Variants in ATP2C1 observed in about 807,000 individuals in gnomAD.
ATP2C1 encodes the protein ATPase secretory pathway Ca2+ transporting 1, also known as calcium-transporting ATPase type 2C member 1.
In ATP2C1, 31 loss-of-function variants were observed where a neutral mutation model predicts 120.5. That is an observed-to-expected ratio of 0.26 (90% CI 0.19 to 0.35). ATP2C1 has a LOEUF of 0.35. Ranked by LOEUF, ATP2C1 falls within the 10% of genes least tolerant of loss-of-function variation. ATP2C1 has a pLI of 1.00. For missense variants in ATP2C1, 731 were observed against 1,107.5 expected (o/e 0.66, Z 4.83); for synonymous variants, 351 against 358.7 (o/e 0.98, Z 0.24).
intron 5 of ATP2C1, 114 bp downstream of exon 5, chr3:130,934,825 T>G: frequency 1.3e-6 from 1 of 743,720 alleles, no homozygotes; most frequent in Non-Finnish European, 2.3e-6. Context: ...AGTGTCCAAA[T>G]TCTGCTTTTA....
chr3:130,974,870 T>C (rs1175712710), intron 17 of ATP2C1, among the ~76,000 whole-genome samples: 1 of 152,210 alleles, frequency 6.6e-6, no homozygotes, highest in African/African-American at 2.4e-5. Context: ...TATTTCATTA[T>C]AAGCTTTTGA....
intron 11 of ATP2C1, among the ~76,000 whole-genome samples, chr3:130,957,505 C>T (rs1000174473): frequency 4.6e-5 from 7 of 151,888 alleles, no homozygotes; most frequent in African/African-American, 1.7e-4. Flanking sequence ...ATTTTCTTAC[C>T]GTGTTAATTA....
At chr3:130,982,428 G>A (rs1220839014) in intron 20 of ATP2C1, among the ~76,000 whole-genome samples, 2 of 152,198 alleles carry the variant, frequency 1.3e-5, no homozygotes, top group African/African-American at 4.8e-5. Context: ...ATCTTGGGCT[G>A]CCTTGTAAGG....
intron 17 of ATP2C1, among the ~76,000 whole-genome samples, chr3:130,972,546 A>G (rs913721057): frequency 6.6e-6 from 1 of 150,574 alleles, no homozygotes; most frequent in African/African-American, 2.5e-5. Flanking sequence ...ATATGTATAC[A>G]TGTGCCATGC....
intron 22 of ATP2C1, among the ~76,000 whole-genome samples, chr3:130,995,785 C>A (rs943870383): frequency 6.6e-6 from 1 of 152,070 alleles, no homozygotes; most frequent in Non-Finnish European, 1.5e-5. Context: ...GGATTACAGG[C>A]ATGCGCCACC....
chr3:130,902,001 C>T (rs977692199), intron 2 of ATP2C1, among the ~76,000 whole-genome samples: 7 of 152,036 alleles, frequency 4.6e-5, no homozygotes, highest in African/African-American at 1.7e-4. Flanking sequence ...CTACCTCCCC[C>T]CGCCACCCTC....
At chr3:130,900,786 C>G (rs1003858299) in intron 2 of ATP2C1, among the ~76,000 whole-genome samples, 2 of 152,182 alleles carry the variant, frequency 1.3e-5, no homozygotes, top group African/African-American at 4.8e-5. Context: ...TGGATTTCCT[C>G]TCATCTTAAA....
At chr3:130,901,866 C>T (rs75217249) in intron 2 of ATP2C1, among the ~76,000 whole-genome samples, 4,008 of 151,986 alleles carry the variant, frequency 0.026, 186 homozygotes, top group African/African-American at 0.091. Flanking sequence ...GTTTTGCCCC[C>T]GGGGGACATT....
chr3:130,962,619 A>G (rs1462382124), intron 12 of ATP2C1, among the ~76,000 whole-genome samples: 1 of 151,312 alleles, frequency 6.6e-6, no homozygotes, highest in Non-Finnish European at 1.5e-5. Context: ...ATTCCTCTGC[A>G]AAGTTTTGCT....
intron 17 of ATP2C1, among the ~76,000 whole-genome samples, chr3:130,973,109 A>G (rs1480055318): frequency 6.6e-6 from 1 of 152,202 alleles, no homozygotes; most frequent in Non-Finnish European, 1.5e-5. Context: ...TAATTACCCC[A>G]TAGTGGTAAT....
intron 2 of ATP2C1, among the ~76,000 whole-genome samples, chr3:130,917,219 ATGT>A (rs2058728021): frequency 6.6e-6 from 1 of 152,336 alleles, no homozygotes; most frequent in East Asian, 1.9e-4. Context: ...CTAAGCTATG[ATGT>A]TCGCTTCGGT....
At chr3:130,974,508 C>T (rs563321868) in intron 17 of ATP2C1, among the ~76,000 whole-genome samples, 6 of 152,282 alleles carry the variant, frequency 3.9e-5, no homozygotes, top group Middle Eastern at 3.4e-3. Context: ...GGAGTGAGGA[C>T]GGCAATAGGG....
intron 17 of ATP2C1, among the ~76,000 whole-genome samples, chr3:130,970,568 AT>A (rs998600310): frequency 6.6e-6 from 1 of 151,746 alleles, no homozygotes; most frequent in Non-Finnish European, 1.5e-5. Flanking sequence ...AATTTTGCTA[AT>A]TTTTTGTAGA....
At chr3:130,935,658 TG>T (rs1559943644) in intron 5 of ATP2C1, among the ~76,000 whole-genome samples, 1 of 152,250 alleles carries the variant, frequency 6.6e-6, no homozygotes, top group East Asian at 1.9e-4. Flanking sequence ...TATAGACTTT[TG>T]GCATTAATGG....
chr3:130,958,227 TG>T (rs556204819), intron 11 of ATP2C1, among the ~76,000 whole-genome samples: 52 of 152,062 alleles, frequency 3.4e-4, no homozygotes, highest in African/African-American at 1.0e-3. Context: ...GGTCAGCAAT[TG>T]TTTTTTTTTG....
chr3:130,874,404 T>C (rs1372995606), intron 1 of ATP2C1, among the ~76,000 whole-genome samples: 1 of 152,244 alleles, frequency 6.6e-6, no homozygotes. Flanking sequence ...TTCCTATTGA[T>C]TAACATCGCC....
In ATP2C1 at chr3:130,999,760, G is replaced by C. The variant is rs2108950486; in HGVS notation, c.2629+101G>C. The C allele has an allele frequency of 2.6e-6, 3 of 1,132,424 alleles. No homozygotes were observed. The East Asian group carries it at 7.8e-5, about 29-fold the overall frequency. 70.1% of individuals were successfully genotyped at this position (1,132,424 alleles called of 1,614,324 possible). ...AAATTCTTTTAAAATAGCAAAATAA[G>C]TAACTCACTTGATTTGAAAAAGGAG... On this transcript the variant is annotated intron_variant, in intron 27 of 27. Transcript: ENST00000510168.
chr3:130,956,969 T>C (rs922829385), intron 11 of ATP2C1, among the ~76,000 whole-genome samples: 3 of 152,166 alleles, frequency 2.0e-5, no homozygotes, highest in South Asian at 2.1e-4. Flanking sequence ...AGTTTTTTTT[T>C]CCCGTTTAAG....
Position 130,969,540 on chromosome 3 carries a change from CTTAA to C in ATP2C1, c.1413+147_1413+150del. On this transcript the variant is annotated intron_variant, in intron 17 of 27. Coordinates refer to ENST00000510168, the MANE Select transcript of ATP2C1 (RefSeq NM_001378687.1). ...CATGTAATTAATAGTACACTCATCT[CTTAA>C]TTGTTTGTGTTCTCTTTGATAGTCT... 4.3e-6 allele frequency: 3 copies of C among 689,940 alleles called. No homozygotes were observed. The Admixed American group carries it at 6.3e-5, about 14-fold the overall frequency. The allele number at this position is 689,940 out of a possible 1,614,324, so 42.7% of individuals were successfully genotyped here.
Sources: gnomAD v4.1 joint callset for allele counts (sites outside exome capture counted in the v4.1 genomes callset) on GRCh38, gnomAD v4.1.1 for gene constraint, MANE v1.5 for transcripts, NCBI Gene and HGNC (gene_info 2026-07-23, HGNC 2026-07-21) for gene names.